The following RALGPS2 variants were observed in gnomAD, a reference collection of about 807,000 sequenced individuals.
RALGPS2 encodes ras-specific guanine nucleotide-releasing factor RalGPS2.
In RALGPS2, 43 loss-of-function variants were observed where a neutral mutation model predicts 86.8. That is an observed-to-expected ratio of 0.50 (90% confidence interval 0.39 to 0.64). The LOEUF (loss-of-function observed/expected upper bound fraction) is 0.64, where lower values mean the gene tolerates loss of function less well. Ranked by LOEUF, RALGPS2 falls within the 30% of genes least tolerant of loss-of-function variation. The pLI, the probability that RALGPS2 is intolerant of heterozygous loss-of-function variation, is 0.00. For missense variants in RALGPS2, 536 were observed against 694.6 expected (o/e 0.77, Z 2.57); for synonymous variants, 243 against 231.3 (o/e 1.05, Z -0.46).
chr1:178,818,077 C>T (rs959547839), intron 6 of RALGPS2, among the ~76,000 whole-genome samples: 21 of 152,026 alleles, frequency 1.4e-4, no homozygotes, highest in African/African-American at 5.1e-4. Context: ...GCTGATTTTT[C>T]TGGCTGGGCA....
chr1:178,750,058 C>G (rs1651567237), intron 1 of RALGPS2, among the ~76,000 whole-genome samples: 1 of 152,120 alleles, frequency 6.6e-6, no homozygotes, highest in Non-Finnish European at 1.5e-5. Flanking sequence ...TTACAGTGAG[C>G]CAGTATCACG....
chr1:178,727,234 T>G lies in RALGPS2; in HGVS notation c.-84+1815T>G, dbSNP rs74132328. ...CGTTTTTCCCATTATATTCCACTTT[T>G]TTTTTTTTCCTTTTAAGATAGGTTC... is the stretch of plus-strand genomic sequence containing the variant. On this transcript the variant is annotated intron_variant, in intron 1 of 19. Transcript: ENST00000367635. Among the ~76,000 whole-genome samples, 498 of 152,290 alleles carry G rather than the reference T, an allele frequency of 3.3e-3. 3 individuals carry two copies. The highest frequency in any genetic ancestry group is 0.012 in the African/African-American group (490 of 41,556).
chr1:178,880,883 G>A (rs1236444031), intron 10 of RALGPS2, among the ~76,000 whole-genome samples: 2 of 152,166 alleles, frequency 1.3e-5, no homozygotes, highest in East Asian at 3.8e-4. Context: ...AGCCAGTGAA[G>A]CCATGAGGTA....
intron 8 of RALGPS2, 69 bp from the exon 9 acceptor site, chr1:178,877,429 C>T: frequency 2.5e-6 from 4 of 1,591,198 alleles, no homozygotes; most frequent in Non-Finnish European, 3.4e-6. Context: ...AACCCCTTCC[C>T]CCCTTTTCTT....
At chr1:178,827,449 C>T (rs978906660) in intron 7 of RALGPS2, among the ~76,000 whole-genome samples, 1 of 141,620 alleles carries the variant, frequency 7.1e-6, no homozygotes, top group Admixed American at 7.2e-5. Context: ...GGCTGGAGTG[C>T]AGTGGCGGGA....
Position 178,844,210 on chromosome 1 carries a change from C to T in RALGPS2, c.607+10660C>T, listed in dbSNP as rs537367387. On this transcript the variant is annotated intron_variant, in intron 8 of 19. Transcript: ENST00000367635. ...TGCTATGCTTTATTCATTATGTCTG[C>T]AGAGGTTATTATGGAAAGAATATAT... Among the ~76,000 whole-genome samples, 459 of 152,244 alleles carry T rather than the reference C, an allele frequency of 3.0e-3. 5 individuals carry two copies. Among genetic ancestry groups the T allele is most frequent in the South Asian group, 0.012 (57 of 4,824 alleles).
intron 8 of RALGPS2, among the ~76,000 whole-genome samples, chr1:178,875,023 G>A (rs183382540): frequency 6.6e-6 from 1 of 152,064 alleles, no homozygotes; most frequent in African/African-American, 2.4e-5. Context: ...TGTCAAGGGA[G>A]AATTCAAAGT....
intron 8 of RALGPS2, among the ~76,000 whole-genome samples, chr1:178,870,458 T>C (rs1039821334): frequency 6.6e-6 from 1 of 152,204 alleles, no homozygotes; most frequent in African/African-American, 2.4e-5. Flanking sequence ...CTACTGTCAC[T>C]AAAGCACTTG....
At chr1:178,915,664 C>CT (rs2102426778) in intron 19 of RALGPS2, among the ~76,000 whole-genome samples, 1 of 152,272 alleles carries the variant, frequency 6.6e-6, no homozygotes, top group Non-Finnish European at 1.5e-5. Flanking sequence ...GAAGCTGACA[C>CT]TTGTAAGGTA....
At chr1:178,852,459 GT>G (rs1657236968) in intron 8 of RALGPS2, among the ~76,000 whole-genome samples, 1 of 152,050 alleles carries the variant, frequency 6.6e-6, no homozygotes, top group African/African-American at 2.4e-5. Context: ...GTTTTGCTTT[GT>G]GTTTTTTTCC....
chr1:178,816,191 T>G (rs1243844692), intron 6 of RALGPS2, among the ~76,000 whole-genome samples: 1 of 152,200 alleles, frequency 6.6e-6, no homozygotes, highest in Non-Finnish European at 1.5e-5. Context: ...CCACTTTAAA[T>G]TGCAGTCAGC....
At position 178,853,034 on chromosome 1, in the gene RALGPS2, G is replaced by A. The variant is rs1183867336; in HGVS notation, c.607+19484G>A. 9.3e-6 allele frequency: 14 copies of A among 1,505,658 alleles called. No homozygotes were observed. The Admixed American group carries it at 1.1e-4, about 12-fold the overall frequency. The allele number at this position is 1,505,658 out of a possible 1,614,324, so 93.3% of individuals were successfully genotyped here. ...TTTTACAGAGCAGTGTTAAACATTC[G>A]ATAGCATAAAGATACTGGCCATTTA... On this transcript the variant is annotated intron_variant, in intron 8 of 19. Transcript: ENST00000367635.
intron 10 of RALGPS2, among the ~76,000 whole-genome samples, chr1:178,883,044 T>C (rs1428687628): frequency 3.3e-5 from 5 of 152,252 alleles, no homozygotes; most frequent in Admixed American, 3.3e-4. Flanking sequence ...TTTAAATGTG[T>C]TCCATGGTTT....
intron 1 of RALGPS2, among the ~76,000 whole-genome samples, chr1:178,761,506 ATTCT>A (rs1402405012): frequency 1.3e-5 from 2 of 151,924 alleles, no homozygotes; most frequent in Non-Finnish European, 2.9e-5. Context: ...AAGCTCTGAA[ATTCT>A]TTCTTCTGTT....
chr1:178,865,102 G>A (rs1658298629), intron 8 of RALGPS2: 2 of 1,567,704 alleles, frequency 1.3e-6, no homozygotes, highest in Non-Finnish European at 1.7e-6. Flanking sequence ...ACTGTTGGCT[G>A]TTAGGAATAT....
intron 8 of RALGPS2, among the ~76,000 whole-genome samples, chr1:178,868,595 C>T (rs541297664): frequency 6.6e-6 from 1 of 151,826 alleles, no homozygotes; most frequent in Non-Finnish European, 1.5e-5. Flanking sequence ...GCGCATCATC[C>T]AAGACTGCTG....
chr1:178,766,635 C>T, intron 1 of RALGPS2, among the ~76,000 whole-genome samples: 1 of 152,118 alleles, frequency 6.6e-6, no homozygotes, highest in East Asian at 1.9e-4. Context: ...GATGGGGTTC[C>T]CTTTTTAGAT....
intron 8 of RALGPS2, among the ~76,000 whole-genome samples, chr1:178,860,290 AT>A (rs150317656): frequency 0.021 from 3,264 of 152,280 alleles, 41 homozygotes; most frequent in Middle Eastern, 0.041. Context: ...ATTCTCAAAC[AT>A]TTTGTTTTTA....
chr1:178,776,659 T>G, intron 1 of RALGPS2, 23 bp from the exon 2 acceptor site: 1 of 794,992 alleles, frequency 1.3e-6, no homozygotes, highest in Non-Finnish European at 1.8e-6. Context: ...AGACATTTGC[T>G]TAACTTTTTT....
Sources: allele counts gnomAD v4.1 joint callset (sites outside exome capture counted in the v4.1 genomes callset), GRCh38; gene constraint gnomAD v4.1.1; transcripts MANE v1.5; gene names NCBI Gene and HGNC (gene_info 2026-07-23, HGNC 2026-07-21).